Variants in TECRL observed in about 807,000 individuals in gnomAD.
TECRL encodes the protein trans-2,3-enoyl-CoA reductase like, also known as trans-2,3-enoyl-CoA reductase-like.
A neutral mutation model predicts 52.8 loss-of-function variants in TECRL; 63 were observed. The observed-to-expected ratio is 1.19, with a 90% CI of 0.97 to 1.47. The LOEUF is 1.47. Among genes scored for constraint, TECRL ranks in the 40% most tolerant of loss-of-function variants. TECRL has a pLI of 0.00. For synonymous variants in TECRL, 164 were observed against 141.9 expected (o/e 1.16, Z -1.10); for missense variants, 482 against 429.6 (o/e 1.12, Z -1.08).
chr4:64,329,115 CTAAA>C, intron 2 of TECRL, among the ~76,000 whole-genome samples: 3 of 151,944 alleles, frequency 2.0e-5, no homozygotes, highest in East Asian at 3.9e-4. Context: ...AAAGAGAGCA[CTAAA>C]TAATTCTGTC....
At chr4:64,380,726 A>G (rs898878648) in intron 1 of TECRL, among the ~76,000 whole-genome samples, 7 of 152,050 alleles carry the variant, frequency 4.6e-5, no homozygotes, top group African/African-American at 1.7e-4. Context: ...GCAAGGATTT[A>G]TATCTGGGTT....
intron 1 of TECRL, among the ~76,000 whole-genome samples, chr4:64,392,537 C>T (rs55843232): frequency 0.25 from 37,963 of 151,674 alleles, 4,889 homozygotes; most frequent in Middle Eastern, 0.31. Flanking sequence ...TTCCTAGAGC[C>T]CATTACCTAT....
At chr4:64,404,020 A>C (rs1308684432) in intron 1 of TECRL, among the ~76,000 whole-genome samples, 2 of 152,088 alleles carry the variant, frequency 1.3e-5, no homozygotes, top group Non-Finnish European at 2.9e-5. Flanking sequence ...TAAAGTATTA[A>C]AATGGCAATG....
At chr4:64,308,792 C>T (rs1234981437) in intron 6 of TECRL, among the ~76,000 whole-genome samples, 1 of 152,092 alleles carries the variant, frequency 6.6e-6, no homozygotes, top group African/African-American at 2.4e-5. Flanking sequence ...CATTTCTTTG[C>T]TCCACTTGTA....
intron 2 of TECRL, among the ~76,000 whole-genome samples, chr4:64,341,618 G>T (rs1392463118): frequency 6.6e-5 from 10 of 152,118 alleles, no homozygotes; most frequent in Admixed American, 2.6e-4. Flanking sequence ...AAAAAAATGG[G>T]GCTAAAACAT....
intron 2 of TECRL, among the ~76,000 whole-genome samples, chr4:64,343,672 T>A (rs1719742616): frequency 6.6e-6 from 1 of 152,106 alleles, no homozygotes. Flanking sequence ...TAAATAGAAT[T>A]TTATTCATCT....
At chr4:64,288,626 T>C (rs1723207562) in intron 9 of TECRL, among the ~76,000 whole-genome samples, 1 of 152,172 alleles carries the variant, frequency 6.6e-6, no homozygotes, top group African/African-American at 2.4e-5. Flanking sequence ...GCTCAGTGGT[T>C]GGACTGAGAA....
intron 8 of TECRL, among the ~76,000 whole-genome samples, chr4:64,297,501 G>T (rs1176790318): frequency 6.6e-6 from 1 of 150,780 alleles, no homozygotes; most frequent in African/African-American, 2.4e-5. Flanking sequence ...TATTATATAA[G>T]ATCGATCCAT....
intron 1 of TECRL, among the ~76,000 whole-genome samples, chr4:64,383,755 C>A (rs942446504): frequency 3.3e-5 from 5 of 151,958 alleles, no homozygotes; most frequent in African/African-American, 1.2e-4. Context: ...TCATTGAGAT[C>A]TGTTGCCAGA....
chr4:64,288,709 G>T (rs1577805350), intron 9 of TECRL, among the ~76,000 whole-genome samples: 1 of 152,114 alleles, frequency 6.6e-6, no homozygotes, highest in South Asian at 2.1e-4. Context: ...TTGGTGGTCT[G>T]CTGCCAGTCT....
At chr4:64,330,921 T>C (rs1216738427) in intron 2 of TECRL, among the ~76,000 whole-genome samples, 1 of 152,064 alleles carries the variant, frequency 6.6e-6, no homozygotes, top group Non-Finnish European at 1.5e-5. Flanking sequence ...CGCATATAAC[T>C]ATTATTCTTA....
chr4:64,308,448 G>A (rs546344909), intron 6 of TECRL, among the ~76,000 whole-genome samples: 55 of 152,200 alleles, frequency 3.6e-4, no homozygotes, highest in African/African-American at 1.2e-3. Flanking sequence ...ATGGCCAACC[G>A]CAGGCATGTG....
downstream of TECRL, chr4:64,277,149 T>C (rs1577783033): frequency 2.4e-6 from 2 of 827,310 alleles, no homozygotes; most frequent in East Asian, 5.5e-5. Flanking sequence ...GAATAACTGA[T>C]ACAAAAAAAG....
chr4:64,339,524 A>T (rs1719392968), intron 2 of TECRL, among the ~76,000 whole-genome samples: 1 of 152,056 alleles, frequency 6.6e-6, no homozygotes, highest in African/African-American at 2.4e-5. Flanking sequence ...ACTATCTAAT[A>T]TTATTTCTTC....
At chr4:64,339,991 G>C (rs1577899883) in intron 2 of TECRL, among the ~76,000 whole-genome samples, 1 of 152,110 alleles carries the variant, frequency 6.6e-6, no homozygotes, top group African/African-American at 2.4e-5. Context: ...CTCACTATGA[G>C]CAACCGTAAA....
At chr4:64,308,438 A>T (rs1724466986) in intron 6 of TECRL, among the ~76,000 whole-genome samples, 1 of 152,168 alleles carries the variant, frequency 6.6e-6, no homozygotes. Flanking sequence ...TGAAGTATCT[A>T]TGGCCAACCG....
chr4:64,379,386 A>G, intron 1 of TECRL, among the ~76,000 whole-genome samples: 1 of 152,104 alleles, frequency 6.6e-6, no homozygotes, highest in South Asian at 2.1e-4. Flanking sequence ...TACGGGGTGC[A>G]TGTGCTATAT....
intron 2 of TECRL, among the ~76,000 whole-genome samples, chr4:64,342,507 T>C (rs183646575): frequency 3.9e-5 from 6 of 152,088 alleles, no homozygotes; most frequent in Non-Finnish European, 2.9e-5. Context: ...AATGTGAGAC[T>C]GTTACTTATA....
At chr4:64,375,989 G>A (rs994957578) in intron 1 of TECRL, among the ~76,000 whole-genome samples, 1 of 151,548 alleles carries the variant, frequency 6.6e-6, no homozygotes, top group Non-Finnish European at 1.5e-5. Flanking sequence ...CCCTGAATAA[G>A]CATACGATAC....
Sources: allele counts gnomAD v4.1 joint callset (sites outside exome capture counted in the v4.1 genomes callset), GRCh38; gene constraint gnomAD v4.1.1; transcripts MANE v1.5; gene names NCBI Gene and HGNC (gene_info 2026-07-23, HGNC 2026-07-21).